The following BTD variants were observed in gnomAD, a reference collection of about 807,000 sequenced individuals.
The protein encoded by BTD is biocytinase.
In BTD, 13 loss-of-function variants were observed where a neutral mutation model predicts 17.7. That is an observed-to-expected ratio of 0.74 (90% CI 0.48 to 1.17). The LOEUF (loss-of-function observed/expected upper bound fraction) is 1.17, where lower values mean the gene tolerates loss of function less well. BTD is among the 50% of genes most tolerant of loss of function. BTD has a pLI of 0.00. For synonymous variants in BTD, 240 were observed against 245.2 expected (o/e 0.98, Z 0.20); for missense variants, 674 against 650.4 (o/e 1.04, Z -0.39).
In BTD at chr3:15,635,318, T is replaced by C; in HGVS notation, c.-16-106T>C. ...CAAACTCTTTGAGCCGCAGTATCAC[T>C]GCGAGTGAGTTTAATTGCTGGGATT... On this transcript the variant is annotated intron_variant, in intron 1 of 3. Transcript: ENST00000643237. The surrounding 1 kb of genome is among the most constrained non-coding windows in gnomAD (Gnocchi z 4.1). The C allele has an allele frequency of 6.5e-7, 1 of 1,540,652 alleles. No individual in the cohort carries two copies. Among genetic ancestry groups the C allele is most frequent in the Non-Finnish European group, 8.9e-7 (1 of 1,120,746 alleles).
chr3:15,704,159 G>A (rs2071021415), intron 3 of BTD, among the ~76,000 whole-genome samples: 1 of 152,022 alleles, frequency 6.6e-6, no homozygotes, highest in African/African-American at 2.4e-5. Context: ...TATGTTCATT[G>A]CGATAGCAGC....
At chr3:15,719,305 T>C (rs1184640498) in intron 4 of BTD, among the ~76,000 whole-genome samples, 1 of 152,216 alleles carries the variant, frequency 6.6e-6, no homozygotes, top group African/African-American at 2.4e-5. Context: ...TCTCATGTAA[T>C]CAAAATGCTC....
rs2065801687 is a variant in BTD at position 15,651,437 on chromosome 3, C to T, written c.*5949C>T. Among the ~76,000 whole-genome samples, 1 of 152,176 alleles carries T rather than the reference C, an allele frequency of 6.6e-6. No homozygotes were observed. Among genetic ancestry groups the T allele is most frequent in the Admixed American group, 6.5e-5 (1 of 15,278 alleles). ...GAAAGGATAATGCACTACCCAGCGG[C>T]CAGCGACAGCAGGAGCTATGAGCAC... is the stretch of plus-strand genomic sequence containing the variant. On this transcript the variant is annotated 3_prime_UTR_variant, in exon 4 of 4. Coordinates refer to ENST00000643237, the MANE Select transcript of BTD (RefSeq NM_001370658.1).
At chr3:15,696,797 A>T (rs1278782816) in intron 3 of BTD, among the ~76,000 whole-genome samples, 1 of 152,172 alleles carries the variant, frequency 6.6e-6, no homozygotes, top group Non-Finnish European at 1.5e-5. Flanking sequence ...GAGATACTTC[A>T]TTTCATTTCT....
chr3:15,663,237 G>A (rs913722861), intron 3 of BTD, among the ~76,000 whole-genome samples: 1 of 152,082 alleles, frequency 6.6e-6, no homozygotes, highest in African/African-American at 2.4e-5. Context: ...CAGGTGATCC[G>A]CCCGCCTCGG....
intron 3 of BTD, chr3:15,685,934 C>G: frequency 8.5e-7 from 1 of 1,177,758 alleles, no homozygotes; most frequent in Non-Finnish European, 1.2e-6. Flanking sequence ...TAAACATAAC[C>G]TAGTTCAGTT....
chr3:15,644,819 G>A lies in BTD; in HGVS notation c.903G>A (p.Trp301Ter). 6.2e-7 allele frequency: 1 copy of A among 1,614,174 alleles called. No homozygotes were observed. The highest frequency in any genetic ancestry group is 8.5e-7 in the Non-Finnish European group (1 of 1,180,046). The change falls in exon 4 of 4, where the codon TGG becomes TGA. Residue 301 changes from tryptophan to a stop codon, truncating the protein, a stop_gained. Coordinates refer to ENST00000643237, the MANE Select transcript of BTD (RefSeq NM_001370658.1). LOFTEE classifies it low-confidence loss of function (END_TRUNC). ...SGIHTPLESF[W>*]YHDMENPKSH... The stretch of plus-strand genomic sequence containing the variant: ...TACACACCCCTCTGGAGTCCTTTTG[G>A]TACCATGACATGGAAAATCCCAAAA...
intron 3 of BTD, among the ~76,000 whole-genome samples, chr3:15,695,977 T>A (rs1380397221): frequency 6.6e-6 from 1 of 152,136 alleles, no homozygotes; most frequent in East Asian, 1.9e-4. Flanking sequence ...ATGAGATATA[T>A]CTTACTAAAG....
intron 3 of BTD, among the ~76,000 whole-genome samples, chr3:15,693,565 A>C (rs540179387): frequency 9.2e-5 from 14 of 152,166 alleles, no homozygotes; most frequent in Non-Finnish European, 1.8e-4. Flanking sequence ...TGGCACCTAG[A>C]AAGTGCTCAA....
At position 15,610,677 on chromosome 3, in the gene BTD, A is replaced by T. The variant is rs1449665148; in HGVS notation, c.-17+8783A>T. 5.3e-5 allele frequency among the ~76,000 whole-genome samples: 8 copies of T among 152,156 alleles called. No individual in the cohort carries two copies. In the East Asian group the frequency reaches 1.5e-3, roughly 29 times the overall value. The stretch of plus-strand genomic sequence containing the variant: ...ATCTTAATTTCTGTGTTTTTAAAAT[A>T]AGTCTTGATGTTGGTAGGACAAGTA... On this transcript the variant is annotated intron_variant, in intron 1 of 3. Coordinates refer to ENST00000643237, the MANE Select transcript of BTD (RefSeq NM_001370658.1).
upstream of BTD, chr3:15,601,525 G>C (rs749863808): frequency 4.4e-6 from 7 of 1,608,550 alleles, no homozygotes; most frequent in Non-Finnish European, 5.9e-6. Flanking sequence ...ATCCAGCAAG[G>C]CAAACGCGAA....
At chr3:15,623,944 G>A (rs1299701692) in intron 1 of BTD, among the ~76,000 whole-genome samples, 1 of 152,096 alleles carries the variant, frequency 6.6e-6, no homozygotes, top group Non-Finnish European at 1.5e-5. Flanking sequence ...CCAGCTTCAG[G>A]TAGTTCTTTA....
chr3:15,710,223 C>T (rs1332108667), exon 4 of BTD, among the ~76,000 whole-genome samples: 1 of 152,070 alleles, frequency 6.6e-6, no homozygotes, highest in Non-Finnish European at 1.5e-5. Flanking sequence ...CTTATCTTCT[C>T]CTATACTATG....
At chr3:15,707,881 T>G in intron 3 of BTD, 1 of 1,578,006 alleles carries the variant, frequency 6.3e-7, no homozygotes, top group Non-Finnish European at 8.7e-7. Context: ...GATGCCAGTT[T>G]ATAGAAATAT....
intron 3 of BTD, among the ~76,000 whole-genome samples, chr3:15,695,740 G>T (rs1238812516): frequency 1.3e-5 from 2 of 152,092 alleles, no homozygotes; most frequent in African/African-American, 4.8e-5. Flanking sequence ...TGTTAGGAGG[G>T]GTTGTGAAAT....
In BTD at chr3:15,699,392, G is replaced by A. The variant is rs188909485; in HGVS notation, c.400-10668G>A. ...GCAACAGAAGCCAAAATAGACAAATGGGATCTAATTAAACTAAAGAGCTTC... is the reference window on the plus strand; with the variant it reads ...GCAACAGAAGCCAAAATAGACAAATAGGATCTAATTAAACTAAAGAGCTTC... On this transcript the variant is annotated intron_variant, in intron 3 of 3. Coordinates refer to the BTD transcript ENST00000672141. Among the ~76,000 whole-genome samples, 430 of 152,222 alleles carry A rather than the reference G, an allele frequency of 2.8e-3. 2 individuals are homozygous for A. The highest frequency in any genetic ancestry group is 0.01 in the Middle Eastern group (3 of 294).
intron 1 of BTD, among the ~76,000 whole-genome samples, chr3:15,614,156 C>T (rs1353007707): frequency 7.0e-6 from 1 of 142,280 alleles, no homozygotes; most frequent in African/African-American, 2.7e-5. Context: ...CAAGGTCTTG[C>T]TCTGTCGCCC....
chr3:15,670,846 A>G (rs2066264509), intron 3 of BTD, among the ~76,000 whole-genome samples: 1 of 152,246 alleles, frequency 6.6e-6, no homozygotes, highest in South Asian at 2.1e-4. Context: ...GAATTCACAG[A>G]AAAAACTGGG....
intron 1 of BTD, among the ~76,000 whole-genome samples, chr3:15,608,764 C>CAAAA (rs895108669): frequency 2.4e-3 from 159 of 66,936 alleles, no homozygotes; most frequent in African/African-American, 8.8e-3. Flanking sequence ...GACTCCGTCT[C>CAAAA]AAAAAAAAAA....
Sources: gnomAD v4.1 joint callset for allele counts (sites outside exome capture counted in the v4.1 genomes callset) on GRCh38, gnomAD v4.1.1 for gene constraint, Gnocchi (gnomAD v3.1) non-coding constraint, MANE v1.5 for transcripts, NCBI Gene and HGNC (gene_info 2026-07-23, HGNC 2026-07-21) for gene names.